GNAT3: variants seen among roughly 807,000 people sequenced by gnomAD.
GNAT3 encodes guanine nucleotide-binding protein G(t) subunit alpha-3.
A neutral mutation model predicts 37.7 loss-of-function variants in GNAT3; 31 were observed. The observed-to-expected ratio is 0.82, with a 90% CI of 0.62 to 1.11. The LOEUF (loss-of-function observed/expected upper bound fraction) is 1.11, where lower values mean the gene tolerates loss of function less well. Among genes scored for constraint, GNAT3 ranks in the 50% most tolerant of loss-of-function variants. The pLI is 0.00. For synonymous variants in GNAT3, 138 were observed against 139.8 expected, an observed-to-expected ratio of 0.99 and a Z score of 0.09; for missense variants, 437 against 412.5, an observed-to-expected ratio of 1.06 and a Z score of -0.51.
At chr7:80,497,734 A>G (rs909585012) in intron 1 of GNAT3, among the ~76,000 whole-genome samples, 1 of 151,662 alleles carries the variant, frequency 6.6e-6, no homozygotes, top group South Asian at 2.1e-4. Context: ...AGAAAAGTCA[A>G]TGGGCTCAGT....
At chr7:80,477,731 T>C (rs1007549757) in intron 4 of GNAT3, among the ~76,000 whole-genome samples, 5 of 152,298 alleles carry the variant, frequency 3.3e-5, no homozygotes, top group Middle Eastern at 3.4e-3. Flanking sequence ...AATTAAACGA[T>C]GCTAGCAGCT....
intron 1 of GNAT3, among the ~76,000 whole-genome samples, chr7:80,505,846 T>G (rs1383353204): frequency 1.3e-5 from 2 of 152,214 alleles, no homozygotes; most frequent in African/African-American, 4.8e-5. Context: ...GTTTTACCTT[T>G]AATCCTACTT....
At chr7:80,487,090 T>A (rs931725599) in intron 3 of GNAT3, among the ~76,000 whole-genome samples, 1 of 152,174 alleles carries the variant, frequency 6.6e-6, no homozygotes. Flanking sequence ...TCCATAAACT[T>A]GAGCTACTTA....
chr7:80,499,776 T>C (rs927827680), intron 1 of GNAT3, among the ~76,000 whole-genome samples: 8 of 150,460 alleles, frequency 5.3e-5, no homozygotes, highest in Non-Finnish European at 8.8e-5. Context: ...TAAATAGATA[T>C]GAGCTTGCAC....
In GNAT3 at chr7:80,462,289, G is replaced by A. The variant is rs1790063818; in HGVS notation, c.744C>T (p.His248=). Reference sequence around the variant, plus strand: ...TGTGATTACAGATACTGTTGAACAGGTGAAGGCTTTCATGCATTCTATTCT... The same window carrying A: ...TGTGATTACAGATACTGTTGAACAGATGAAGGCTTTCATGCATTCTATTCT... ...EEVNRMHESL[H]LFNSICNHKY... Residue 248 remains histidine, a synonymous_variant, in exon 7 of 8, where the codon CAC becomes CAT. Coordinates refer to ENST00000398291, the MANE Select transcript of GNAT3 (RefSeq NM_001102386.3). 3.1e-6 allele frequency: 5 copies of A among 1,612,942 alleles called. No homozygotes were observed. In the African/African-American group the frequency reaches 4.0e-5, roughly 13 times the overall value.
chr7:80,474,215 C>T (rs760684217), intron 5 of GNAT3, 36 bp downstream of exon 5: 1 of 1,589,144 alleles, frequency 6.3e-7, no homozygotes. Flanking sequence ...CTGATGCATA[C>T]TTCTGTCTAC....
At chr7:80,497,579 CGTATAT>C (rs1562732706) in intron 1 of GNAT3, among the ~76,000 whole-genome samples, 1 of 132,494 alleles carries the variant, frequency 7.5e-6, no homozygotes, top group East Asian at 2.1e-4. Flanking sequence ...TATACATATA[CGTATAT>C]ACATATACGT....
At chr7:80,472,520 C>A (rs1367144584) in intron 5 of GNAT3, among the ~76,000 whole-genome samples, 1 of 152,058 alleles carries the variant, frequency 6.6e-6, no homozygotes, top group Non-Finnish European at 1.5e-5. Flanking sequence ...GCACTTTAGG[C>A]AAAGAGACTA....
At chr7:80,494,788 C>T (rs1790684568) in intron 1 of GNAT3, 141 bp from the exon 2 acceptor site, 1 of 604,546 alleles carries the variant, frequency 1.7e-6, no homozygotes, top group Admixed American at 3.0e-5. Context: ...CATGGATAAA[C>T]TGCATAGTGG....
rs372609328 is a variant in GNAT3, at chr7:80,496,162, G to A, written c.119-1515C>T. ...GTCTTTCTTTTTGAGATGGAATCTC[G>A]CTCTGTCACCCAGGCTGGAGTGCAG... On this transcript the variant is annotated intron_variant, in intron 1 of 7. Transcript: ENST00000398291. 4.0e-5 allele frequency among the ~76,000 whole-genome samples: 6 copies of A among 151,892 alleles called. No individual in the cohort carries two copies. The South Asian group carries it at 8.3e-4, about 21-fold the overall frequency.
At chr7:80,499,335 GA>G (rs1790791734) in intron 1 of GNAT3, among the ~76,000 whole-genome samples, 1 of 152,126 alleles carries the variant, frequency 6.6e-6, no homozygotes. Flanking sequence ...CAACACTTTA[GA>G]AATTATTTTA....
intron 5 of GNAT3, among the ~76,000 whole-genome samples, chr7:80,472,530 A>G (rs1475331893): frequency 6.6e-6 from 1 of 152,180 alleles, no homozygotes; most frequent in African/African-American, 2.4e-5. Context: ...CAAAGAGACT[A>G]GCAAGTACAA....
At chr7:80,488,427 ATT>A in intron 3 of GNAT3, 106 bp downstream of exon 3, 1 of 804,610 alleles carries the variant, frequency 1.2e-6, no homozygotes, top group South Asian at 3.0e-5. Context: ...CATGTTTCAT[ATT>A]TTTAAATTTT....
intron 3 of GNAT3, among the ~76,000 whole-genome samples, chr7:80,482,767 A>G (rs561835076): frequency 1.9e-4 from 27 of 145,718 alleles, no homozygotes; most frequent in African/African-American, 6.6e-4. Flanking sequence ...TCTTGACCTC[A>G]TGATCTGCCC....
intron 2 of GNAT3, among the ~76,000 whole-genome samples, chr7:80,489,551 C>T (rs1328615286): frequency 6.6e-6 from 1 of 152,072 alleles, no homozygotes; most frequent in Non-Finnish European, 1.5e-5. Context: ...ATAAACACCT[C>T]TTTAATGTCT....
intron 5 of GNAT3, among the ~76,000 whole-genome samples, chr7:80,471,264 A>G (rs889197992): frequency 1.5e-4 from 23 of 150,114 alleles, no homozygotes; most frequent in Admixed American, 1.2e-3. Flanking sequence ...CAGATTAAGG[A>G]TGGGTCTGCC....
chr7:80,488,410 C>A, intron 3 of GNAT3, 125 bp downstream of exon 3: 1 of 726,046 alleles, frequency 1.4e-6, no homozygotes, highest in Non-Finnish European at 2.1e-6. Context: ...ATTAATGTTT[C>A]AAAATTCATG....
At chr7:80,482,138 C>T (rs770967912) in intron 3 of GNAT3, among the ~76,000 whole-genome samples, 11 of 152,144 alleles carry the variant, frequency 7.2e-5, no homozygotes, top group Non-Finnish European at 1.2e-4. Context: ...AAGTATTTTA[C>T]GGAGTTTGGC....
intron 5 of GNAT3, among the ~76,000 whole-genome samples, chr7:80,470,869 A>G (rs1279692455): frequency 1.3e-5 from 2 of 151,778 alleles, no homozygotes; most frequent in Non-Finnish European, 2.9e-5. Flanking sequence ...GATGGTTAAT[A>G]CTGGGTGTCA....
Sources: gnomAD v4.1 joint callset for allele counts (sites outside exome capture counted in the v4.1 genomes callset) on GRCh38, gnomAD v4.1.1 for gene constraint, MANE v1.5 for transcripts, NCBI Gene and HGNC (gene_info 2026-07-23, HGNC 2026-07-21) for gene names.